JAKMIP2: variants seen among roughly 807,000 people sequenced by gnomAD.
The protein encoded by JAKMIP2 is janus kinase and microtubule-interacting protein 2.
Under a neutral mutation model 115.0 loss-of-function variants are expected in JAKMIP2, and 25 were observed. The observed-to-expected ratio is 0.22, with a 90% CI of 0.16 to 0.30. The LOEUF (loss-of-function observed/expected upper bound fraction) is 0.30, where lower values mean the gene tolerates loss of function less well. Among genes scored for constraint, JAKMIP2 ranks in the 10% least tolerant of loss-of-function variants. The pLI is 1.00. For missense variants in JAKMIP2, 642 were observed against 957.6 expected (o/e 0.67, Z 4.35); for synonymous variants, 334 against 343.6 (o/e 0.97, Z 0.31).
chr5:147,751,242 G>GTTT (rs1484916741), intron 1 of JAKMIP2, among the ~76,000 whole-genome samples: 1 of 141,880 alleles, frequency 7.0e-6, no homozygotes, highest in Non-Finnish European at 1.5e-5. Context: ...CGGCTAAGTT[G>GTTT]TTTTTTTGTT....
chr5:147,618,085 G>A lies in JAKMIP2; in HGVS notation c.2172C>T (p.Tyr724=), dbSNP rs1308240921. The change falls in exon 19 of 22, where the codon TAC becomes TAT. Residue 724 remains tyrosine, a synonymous_variant. Transcript: ENST00000616793. ...MRIQELEATL[Y]NALQQETVIK... The stretch of plus-strand genomic sequence containing the variant: ...TAACAGTTTCTTGCTGTAGAGCATT[G>A]TACAAAGTAGCTTCTAGTTCCTGGA... 6.2e-7 allele frequency: 1 copy of A among 1,613,922 alleles called. No individual in the cohort carries two copies. The highest frequency in any genetic ancestry group is 1.3e-5 in the African/African-American group (1 of 75,044).
rs1214020120 is a variant in JAKMIP2, at chr5:147,765,038, AAGAAAGAG to A, written c.-149+17410_-149+17417del. Reference sequence around the variant, plus strand: ...AGGGAGACAGAGAGAGAGAGAAAGAAAGAAAGAGAGAAGAGAGAAGGAAGGAAGGAAGG... The same window carrying A: ...AGGGAGACAGAGAGAGAGAGAAAGAAAGAAGAGAGAAGGAAGGAAGGAAGG... On this transcript the variant is annotated intron_variant, in intron 1 of 21. Transcript: ENST00000616793. Among the ~76,000 whole-genome samples, 18 of 129,434 alleles carry A rather than the reference AAGAAAGAG, an allele frequency of 1.4e-4. 1 individual carries two copies. The South Asian group carries it at 4.0e-3, about 29-fold the overall frequency. The allele number at this position is 129,434 out of a possible 152,430, so 84.9% of individuals were successfully genotyped here. A position where few individuals can be genotyped will look rare whatever the true frequency, so the allele number is the denominator to read the frequency against.
intron 3 of JAKMIP2, among the ~76,000 whole-genome samples, chr5:147,657,408 G>T (rs942369660): frequency 2.8e-4 from 43 of 152,180 alleles, no homozygotes; most frequent in African/African-American, 1.0e-3. Flanking sequence ...TAGGTGACCT[G>T]GCCTTTCTCT....
chr5:147,618,592 G>C (rs867393436), intron 18 of JAKMIP2, among the ~76,000 whole-genome samples: 1 of 152,092 alleles, frequency 6.6e-6, no homozygotes, highest in East Asian at 1.9e-4. Flanking sequence ...TAAAAAATTA[G>C]GTGGGCGTGG....
At chr5:147,713,302 CCATTTTTTTACGTGAGA>C (rs1752851753) in intron 1 of JAKMIP2, among the ~76,000 whole-genome samples, 1 of 152,024 alleles carries the variant, frequency 6.6e-6, no homozygotes, top group Admixed American at 6.6e-5. Flanking sequence ...CATCAAGGTT[CCATTTTTTTACGTGAGA>C]CATTTTTTAA....
intron 1 of JAKMIP2, among the ~76,000 whole-genome samples, chr5:147,771,867 A>C (rs1755370226): frequency 6.6e-6 from 1 of 152,066 alleles, no homozygotes; most frequent in Non-Finnish European, 1.5e-5. Context: ...TCTTCAGTGA[A>C]GCTTTTGTGG....
chr5:147,594,417 A>G (rs1445495544), intron 21 of JAKMIP2: 1 of 455,416 alleles, frequency 2.2e-6, no homozygotes, highest in African/African-American at 2.0e-5. Flanking sequence ...TCACTGCAGC[A>G]TCGACCTCTG....
At chr5:147,627,085 A>T (rs1383471671) in intron 16 of JAKMIP2, among the ~76,000 whole-genome samples, 1 of 152,172 alleles carries the variant, frequency 6.6e-6, no homozygotes, top group Non-Finnish European at 1.5e-5. Context: ...AGGGCAAAAA[A>T]CAGGGGGTGG....
intron 5 of JAKMIP2, among the ~76,000 whole-genome samples, chr5:147,646,639 G>A (rs1418463473): frequency 1.3e-5 from 2 of 151,508 alleles, no homozygotes; most frequent in Non-Finnish European, 2.9e-5. Context: ...GTGTAAATAT[G>A]TATGTATATA....
intron 18 of JAKMIP2, among the ~76,000 whole-genome samples, chr5:147,619,861 A>G (rs943126758): frequency 3.3e-5 from 5 of 152,164 alleles, no homozygotes; most frequent in African/African-American, 1.2e-4. Context: ...TATTCTCTAA[A>G]TCTTACTATC....
At chr5:147,718,120 T>A (rs1334212206) in intron 1 of JAKMIP2, among the ~76,000 whole-genome samples, 10 of 149,108 alleles carry the variant, frequency 6.7e-5, no homozygotes, top group African/African-American at 1.7e-4. Context: ...GGTTTTTGTC[T>A]TTGGCTCTGT....
intron 12 of JAKMIP2, among the ~76,000 whole-genome samples, 187 bp downstream of exon 12, chr5:147,636,035 C>T (rs1445241449): frequency 1.3e-5 from 2 of 152,176 alleles, no homozygotes; most frequent in East Asian, 1.9e-4. Flanking sequence ...GCCATGCACA[C>T]GTGCCACTTC....
chr5:147,687,203 C>A (rs192776694), intron 1 of JAKMIP2, among the ~76,000 whole-genome samples: 44 of 152,336 alleles, frequency 2.9e-4, no homozygotes, highest in Non-Finnish European at 5.4e-4. Flanking sequence ...CCATTTACTA[C>A]TGCTGGTCAC....
In JAKMIP2 at chr5:147,589,070, C is replaced by T. The variant is rs1394331778; in HGVS notation, c.*2637G>A. The T allele has an allele frequency of 6.6e-6, 1 of 151,940 alleles. No homozygotes were observed. Among genetic ancestry groups the T allele is most frequent in the Non-Finnish European group, 1.5e-5 (1 of 68,030 alleles). 9.4% of individuals were successfully genotyped at this position (151,940 alleles called of 1,614,324 possible). A position where few individuals can be genotyped will look rare whatever the true frequency, so the allele number is the denominator to read the frequency against. ...GTTGGCTAGTGTTGGGTCACCAACA[C>T]TGTAGAGGCACCCTCTTTCACATTT... On this transcript the variant is annotated 3_prime_UTR_variant, in exon 22 of 22. Transcript: ENST00000616793.
intron 1 of JAKMIP2, among the ~76,000 whole-genome samples, chr5:147,712,338 C>T (rs565078316): frequency 1.3e-5 from 2 of 151,900 alleles, no homozygotes; most frequent in East Asian, 1.9e-4. Context: ...GCAGTTTACC[C>T]TCTCTAAATC....
intron 20 of JAKMIP2, among the ~76,000 whole-genome samples, chr5:147,603,157 A>C (rs554040938): frequency 4.3e-4 from 66 of 152,302 alleles, no homozygotes; most frequent in African/African-American, 1.6e-3. Context: ...TGGGCAGATC[A>C]TGCCATTTGG....
At chr5:147,635,484 G>A (rs1280134041) in intron 12 of JAKMIP2, among the ~76,000 whole-genome samples, 1 of 151,838 alleles carries the variant, frequency 6.6e-6, no homozygotes, top group African/African-American at 2.4e-5. Context: ...GCTAGGTTTC[G>A]GCATGGTCTT....
intron 1 of JAKMIP2, among the ~76,000 whole-genome samples, chr5:147,693,895 A>T (rs1435044458): frequency 6.6e-6 from 1 of 152,220 alleles, no homozygotes; most frequent in Non-Finnish European, 1.5e-5. Flanking sequence ...AAAGTAATTA[A>T]GCATATCTGC....
intron 1 of JAKMIP2, among the ~76,000 whole-genome samples, chr5:147,731,603 C>T (rs964154731): frequency 6.6e-6 from 1 of 152,160 alleles, no homozygotes; most frequent in Non-Finnish European, 1.5e-5. Context: ...TCCCAGCAAG[C>T]ACAGCAATGC....
Sources: allele counts gnomAD v4.1 joint callset (sites outside exome capture counted in the v4.1 genomes callset), GRCh38; gene constraint gnomAD v4.1.1; transcripts MANE v1.5; gene names NCBI Gene and HGNC (gene_info 2026-07-23, HGNC 2026-07-21).